The following SNTB1 variants were observed in gnomAD, a reference collection of about 807,000 sequenced individuals.
SNTB1 encodes the protein syntrophin beta 1.
In SNTB1, 36 loss-of-function variants were observed where a neutral mutation model predicts 48.9. The observed-to-expected ratio is 0.74, with a 90% CI of 0.56 to 0.97. SNTB1 has a LOEUF of 0.97. Among genes scored for constraint, SNTB1 ranks in the 50% least tolerant of loss-of-function variants. SNTB1 has a pLI of 0.00. For missense variants in SNTB1, 786 were observed against 703.4 expected, an observed-to-expected ratio of 1.12 and a Z score of -1.33; for synonymous variants, 299 against 294.6, an observed-to-expected ratio of 1.01 and a Z score of -0.15.
Position 120,797,546 on chromosome 8 carries a change from C to CTTTTTT in SNTB1, c.571+13721_571+13726dup, listed in dbSNP as rs60374035. ...TCATTAACCAAAGCAACTTGTTTCT[C>CTTTTTT]TTTTTTTTTTTTTTTTTTTTTTTTT... On this transcript the variant is annotated intron_variant, in intron 1 of 6. Transcript: ENST00000517992. Among the ~76,000 whole-genome samples the CTTTTTT allele has an allele frequency of 1.3e-3, 89 of 69,112 alleles. 6 individuals are homozygous for CTTTTTT. Among genetic ancestry groups the CTTTTTT allele is most frequent in the African/African-American group, 4.1e-3 (74 of 17,954 alleles). 45.3% of individuals were successfully genotyped at this position (69,112 alleles called of 152,430 possible). A position where few individuals can be genotyped will look rare whatever the true frequency, so the allele number is the denominator to read the frequency against.
chr8:120,661,151 T>C (rs566335700), intron 2 of SNTB1, among the ~76,000 whole-genome samples: 15 of 151,860 alleles, frequency 9.9e-5, no homozygotes, highest in African/African-American at 3.1e-4. Flanking sequence ...AAATGGTGCC[T>C]GGAGACTTGC....
chr8:120,615,983 C>T (rs1816707386), intron 3 of SNTB1, among the ~76,000 whole-genome samples: 1 of 152,174 alleles, frequency 6.6e-6, no homozygotes, highest in Admixed American at 6.5e-5. Flanking sequence ...TAACTATTCA[C>T]CTCAGGGTGG....
intron 3 of SNTB1, among the ~76,000 whole-genome samples, chr8:120,630,153 C>G (rs1351488714): frequency 6.6e-6 from 1 of 152,246 alleles, no homozygotes; most frequent in East Asian, 1.9e-4. Flanking sequence ...GATCCAGTCT[C>G]TACCTTTCCC....
chr8:120,571,359 T>A lies in SNTB1; in HGVS notation c.1136+3727A>T. On this transcript the variant is annotated intron_variant, in intron 4 of 6. Coordinates refer to ENST00000517992, the MANE Select transcript of SNTB1 (RefSeq NM_021021.4). Reference sequence around the variant, plus strand: ...AGAATCTGAAGATAATGTTCACGGATGAGGACTGTGGATGCAAAGTACAGA... The same window carrying A: ...AGAATCTGAAGATAATGTTCACGGAAGAGGACTGTGGATGCAAAGTACAGA... The A allele has an allele frequency of 2.3e-6, 3 of 1,287,254 alleles. No homozygotes were observed. In the South Asian group the frequency reaches 3.7e-5, roughly 16 times the overall value. 79.7% of individuals were successfully genotyped at this position (1,287,254 alleles called of 1,614,324 possible).
intron 1 of SNTB1, among the ~76,000 whole-genome samples, chr8:120,714,593 T>C (rs973974751): frequency 6.6e-6 from 1 of 151,966 alleles, no homozygotes; most frequent in African/African-American, 2.4e-5. Context: ...CTCTAGAGGA[T>C]GAGATATAAA....
Position 120,693,869 on chromosome 8 carries a change from C to T in SNTB1, c.611G>A (p.Gly204Glu). ...CCACCCAATCTCGGATACTGGGGAT[C>T]CTTTCTTCACATAGGGCGTGGCTTC... is the stretch of plus-strand genomic sequence containing the variant. ...MREATPYVKKGSPVSEIGWET... is the reference protein window; with the variant it reads ...MREATPYVKKESPVSEIGWET... The change falls in exon 2 of 7, where the codon GGA becomes GAA. Residue 204 changes from glycine (G) to glutamate (E), a missense_variant. Transcript: ENST00000517992. The T allele has an allele frequency of 6.2e-7, 1 of 1,614,118 alleles. No homozygotes were observed. Among genetic ancestry groups the T allele is most frequent in the African/African-American group, 1.3e-5 (1 of 75,026 alleles).
intron 4 of SNTB1, among the ~76,000 whole-genome samples, chr8:120,568,977 G>A (rs1426318539): frequency 2.0e-5 from 3 of 152,110 alleles, no homozygotes; most frequent in Non-Finnish European, 4.4e-5. Flanking sequence ...TACATCTTCT[G>A]TTTTGTTTGC....
At chr8:120,680,170 C>T (rs945754446) in intron 2 of SNTB1, among the ~76,000 whole-genome samples, 1 of 152,196 alleles carries the variant, frequency 6.6e-6, no homozygotes, top group African/African-American at 2.4e-5. Context: ...CAGTGTCCTT[C>T]CTGCGAGGAA....
chr8:120,619,489 T>C (rs1278269317), intron 3 of SNTB1, among the ~76,000 whole-genome samples: 1 of 152,208 alleles, frequency 6.6e-6, no homozygotes, highest in Non-Finnish European at 1.5e-5. Context: ...TATGATCCAT[T>C]TGAAGCTTTT....
chr8:120,660,838 C>G (rs1247871221), intron 2 of SNTB1, among the ~76,000 whole-genome samples: 3 of 152,150 alleles, frequency 2.0e-5, no homozygotes, highest in African/African-American at 4.8e-5. Context: ...GAGGTATTCA[C>G]TGGCCTAATT....
chr8:120,650,844 G>GAA (rs1437317928), intron 2 of SNTB1, among the ~76,000 whole-genome samples: 1 of 152,146 alleles, frequency 6.6e-6, no homozygotes, highest in Non-Finnish European at 1.5e-5. Context: ...CTCACCAATT[G>GAA]AAAAGATGCA....
chr8:120,728,345 T>A (rs932569238), intron 1 of SNTB1, among the ~76,000 whole-genome samples: 1 of 152,206 alleles, frequency 6.6e-6, no homozygotes, highest in Non-Finnish European at 1.5e-5. Flanking sequence ...TTTTTCAAAA[T>A]TTGTTTTATA....
intron 2 of SNTB1, among the ~76,000 whole-genome samples, chr8:120,659,829 T>C (rs1264505065): frequency 6.6e-6 from 1 of 152,222 alleles, no homozygotes; most frequent in East Asian, 1.9e-4. Flanking sequence ...AATTACTCCT[T>C]GATCTATGGG....
At chr8:120,638,924 A>C (rs182941642) in intron 2 of SNTB1, among the ~76,000 whole-genome samples, 228 of 152,108 alleles carry the variant, frequency 1.5e-3, no homozygotes, top group African/African-American at 5.2e-3. Context: ...ATACCCAGTA[A>C]TGGGATGGAT....
At chr8:120,577,790 T>C (rs1303092268) in intron 3 of SNTB1, among the ~76,000 whole-genome samples, 1 of 152,192 alleles carries the variant, frequency 6.6e-6, no homozygotes, top group Admixed American at 6.5e-5. Flanking sequence ...AACTCACCCA[T>C]GTGTCAAGTG....
intron 3 of SNTB1, among the ~76,000 whole-genome samples, chr8:120,617,872 C>A (rs1816739921): frequency 6.6e-6 from 1 of 152,190 alleles, no homozygotes; most frequent in Non-Finnish European, 1.5e-5. Context: ...CATATACTGC[C>A]TTTGAAGGCG....
chr8:120,564,574 T>TTG (rs1815719489), intron 4 of SNTB1, among the ~76,000 whole-genome samples: 1 of 140,306 alleles, frequency 7.1e-6, no homozygotes, highest in African/African-American at 2.6e-5. Flanking sequence ...GTTTTTTTTT[T>TTG]TTTTTTTTTT....
chr8:120,673,571 G>T (rs541524959), intron 2 of SNTB1, among the ~76,000 whole-genome samples: 2 of 152,064 alleles, frequency 1.3e-5, no homozygotes, highest in Admixed American at 6.6e-5. Flanking sequence ...GATTACAGGC[G>T]TAAGCTGCTG....
chr8:120,656,270 A>G (rs1273703707), intron 2 of SNTB1, among the ~76,000 whole-genome samples: 1 of 152,194 alleles, frequency 6.6e-6, no homozygotes, highest in Non-Finnish European at 1.5e-5. Context: ...ACAAAATCCC[A>G]TTTCAAAAAC....
Sources: allele counts gnomAD v4.1 joint callset (sites outside exome capture counted in the v4.1 genomes callset), GRCh38; gene constraint gnomAD v4.1.1; transcripts MANE v1.5; gene names NCBI Gene and HGNC (gene_info 2026-07-23, HGNC 2026-07-21).